Variants in HTR1F observed in about 807,000 individuals in gnomAD.
HTR1F encodes 5-hydroxytryptamine receptor 1F.
In HTR1F, 17 loss-of-function variants were observed where a neutral mutation model predicts 24.0. That is an observed-to-expected ratio of 0.71 (90% confidence interval 0.48 to 1.06). The LOEUF (loss-of-function observed/expected upper bound fraction) is 1.06, where lower values mean the gene tolerates loss of function less well. HTR1F is among the 50% of genes least tolerant of loss of function. The pLI is 0.00. For synonymous variants in HTR1F, 186 were observed against 156.8 expected (o/e 1.19, Z -1.39); for missense variants, 391 against 427.8 (o/e 0.91, Z 0.76).
At chr3:87,809,057 G>T (rs947064121) in intron 1 of HTR1F, among the ~76,000 whole-genome samples, 1 of 151,622 alleles carries the variant, frequency 6.6e-6, no homozygotes, top group African/African-American at 2.4e-5. Flanking sequence ...TTACAGAAAA[G>T]TCACATATTT....
chr3:87,985,124 T>C (rs914562294), intron 2 of HTR1F, among the ~76,000 whole-genome samples: 35 of 152,186 alleles, frequency 2.3e-4, no homozygotes, highest in Admixed American at 1.6e-3. Context: ...TCACCTCTGG[T>C]TGGGAGTTTG....
At chr3:87,835,351 A>G (rs934034156) in intron 2 of HTR1F, among the ~76,000 whole-genome samples, 1 of 151,500 alleles carries the variant, frequency 6.6e-6, no homozygotes, top group Non-Finnish European at 1.5e-5. Context: ...ATACAAAACT[A>G]AAATGACTAA....
intron 2 of HTR1F, among the ~76,000 whole-genome samples, chr3:87,826,359 T>A (rs903623743): frequency 6.6e-6 from 1 of 152,184 alleles, no homozygotes; most frequent in African/African-American, 2.4e-5. Flanking sequence ...TTCCCCTAAG[T>A]TACAAGCAAA....
chr3:87,943,524 G>A (rs1442206760), intron 2 of HTR1F, among the ~76,000 whole-genome samples: 5 of 145,806 alleles, frequency 3.4e-5, no homozygotes, highest in Non-Finnish European at 6.0e-5. Context: ...TTACCCCTTT[G>A]TCTATCTCTT....
intron 2 of HTR1F, among the ~76,000 whole-genome samples, chr3:87,938,867 C>T (rs1218463643): frequency 6.6e-6 from 1 of 152,154 alleles, no homozygotes; most frequent in Non-Finnish European, 1.5e-5. Flanking sequence ...TTATCCTAGA[C>T]ATAGGAACAG....
chr3:87,879,625 A>G (rs1427076019), intron 2 of HTR1F, among the ~76,000 whole-genome samples: 1 of 152,226 alleles, frequency 6.6e-6, no homozygotes, highest in East Asian at 1.9e-4. Context: ...AAAGAAAAAT[A>G]TGCCAGTTTC....
At chr3:87,917,644 C>A (rs1437406538) in intron 2 of HTR1F, among the ~76,000 whole-genome samples, 1 of 151,746 alleles carries the variant, frequency 6.6e-6, no homozygotes, top group East Asian at 1.9e-4. Context: ...AAAGATACAA[C>A]CTTCTTAGCT....
chr3:87,855,000 C>A (rs145286780), intron 2 of HTR1F, among the ~76,000 whole-genome samples: 2 of 152,052 alleles, frequency 1.3e-5, no homozygotes, highest in South Asian at 2.1e-4. Context: ...AGCATCTTTC[C>A]TAGTTGTGTG....
At chr3:87,982,515 C>G (rs1705567041) in intron 2 of HTR1F, among the ~76,000 whole-genome samples, 1 of 152,082 alleles carries the variant, frequency 6.6e-6, no homozygotes, top group Non-Finnish European at 1.5e-5. Context: ...AATGAAAAGA[C>G]TTTCTGTAGG....
At chr3:87,830,834 A>G (rs1221306501) in intron 2 of HTR1F, among the ~76,000 whole-genome samples, 2 of 152,232 alleles carry the variant, frequency 1.3e-5, no homozygotes, top group Non-Finnish European at 2.9e-5. Flanking sequence ...AGTCAAATAA[A>G]GAAGTTCCTG....
intron 2 of HTR1F, among the ~76,000 whole-genome samples, chr3:87,861,153 T>C (rs1705310818): frequency 1.3e-5 from 2 of 152,100 alleles, no homozygotes; most frequent in South Asian, 4.2e-4. Flanking sequence ...TGAGACCCCA[T>C]CTCAAAAAAT....
In HTR1F at chr3:87,993,439, T is replaced by C. The variant is rs1705880024; in HGVS notation, c.*1589T>C. Reference sequence around the variant, plus strand: ...GAAAAGAGCAAACTAAAATCTGGCATGGAAGTTGTTTACACAGTTATGATG... The same window carrying C: ...GAAAAGAGCAAACTAAAATCTGGCACGGAAGTTGTTTACACAGTTATGATG... On this transcript the variant is annotated 3_prime_UTR_variant, in exon 3 of 3. Transcript: ENST00000319595. 6.0e-6 allele frequency: 1 copy of C among 166,816 alleles called. No individual in the cohort carries two copies. The highest frequency in any genetic ancestry group is 6.6e-5 in the Admixed American group (1 of 15,256). 10.3% of individuals were successfully genotyped at this position (166,816 alleles called of 1,614,324 possible). A position where few individuals can be genotyped will look rare whatever the true frequency, so the allele number is the denominator to read the frequency against.
chr3:87,830,211 A>G (rs1480524320), intron 2 of HTR1F, among the ~76,000 whole-genome samples: 1 of 152,154 alleles, frequency 6.6e-6, no homozygotes, highest in African/African-American at 2.4e-5. Context: ...GAGCCCCTTG[A>G]AATTGTGTGC....
chr3:87,871,954 G>T (rs914992758), intron 2 of HTR1F, among the ~76,000 whole-genome samples: 1 of 152,078 alleles, frequency 6.6e-6, no homozygotes, highest in African/African-American at 2.4e-5. Context: ...AACAGTGAAT[G>T]AACTATTCCA....
intron 2 of HTR1F, among the ~76,000 whole-genome samples, chr3:87,945,578 T>C (rs1704678602): frequency 6.6e-6 from 1 of 152,168 alleles, no homozygotes; most frequent in Non-Finnish European, 1.5e-5. Flanking sequence ...GACAGCTTTC[T>C]GCCTCTAGTT....
intron 1 of HTR1F, among the ~76,000 whole-genome samples, chr3:87,807,708 G>A (rs542229935): frequency 6.6e-6 from 1 of 151,978 alleles, no homozygotes; most frequent in East Asian, 1.9e-4. Flanking sequence ...AGTTATTAGG[G>A]GAAAGGCTTT....
At chr3:87,852,115 A>T (rs1271340038) in intron 2 of HTR1F, among the ~76,000 whole-genome samples, 1 of 151,634 alleles carries the variant, frequency 6.6e-6, no homozygotes, top group African/African-American at 2.4e-5. Context: ...TTCCCTGATT[A>T]ATATGAATTT....
chr3:87,985,276 G>A (rs966617697), intron 2 of HTR1F, among the ~76,000 whole-genome samples: 74 of 151,816 alleles, frequency 4.9e-4, no homozygotes, highest in African/African-American at 1.6e-3. Flanking sequence ...CAGAGGTTGC[G>A]GTGAGCCAGA....
At chr3:87,972,413 C>T (rs1705304012) in intron 2 of HTR1F, among the ~76,000 whole-genome samples, 1 of 152,170 alleles carries the variant, frequency 6.6e-6, no homozygotes, top group Non-Finnish European at 1.5e-5. Context: ...TTCCCAATTT[C>T]TTCATCTTTT....
Sources: gnomAD v4.1 joint callset for allele counts (sites outside exome capture counted in the v4.1 genomes callset) on GRCh38, gnomAD v4.1.1 for gene constraint, MANE v1.5 for transcripts, NCBI Gene and HGNC (gene_info 2026-07-23, HGNC 2026-07-21) for gene names.